ADTRP: variants seen among roughly 807,000 people sequenced by gnomAD.
ADTRP encodes the protein androgen dependent TFPI regulating protein.
In ADTRP, 20 loss-of-function variants were observed where a neutral mutation model predicts 27.0. That is an observed-to-expected ratio of 0.74 (90% CI 0.52 to 1.08). The LOEUF is 1.08. Among genes scored for constraint, ADTRP ranks in the 50% least tolerant of loss-of-function variants. The pLI is 0.00. For synonymous variants in ADTRP, 101 were observed against 105.2 expected (o/e 0.96, Z 0.25); for missense variants, 251 against 275.0 (o/e 0.91, Z 0.62).
intron 2 of ADTRP, 50 bp downstream of exon 2, chr6:11,768,199 T>A: frequency 1.3e-6 from 2 of 1,598,024 alleles, no homozygotes; most frequent in Non-Finnish European, 1.7e-6. Context: ...GAGAAGCGTC[T>A]GTCCATATGC....
intron 3 of ADTRP, chr6:11,755,167 T>TTAG: frequency 1.4e-6 from 1 of 696,166 alleles, no homozygotes; most frequent in Non-Finnish European, 1.8e-6. Flanking sequence ...CTGAATAATT[T>TTAG]TAATTACTAA....
intron 5 of ADTRP, chr6:11,717,467 A>G: frequency 8.6e-6 from 11 of 1,282,276 alleles, no homozygotes; most frequent in Non-Finnish European, 1.1e-5. Flanking sequence ...CATAGATACC[A>G]TATATAATTA....
chr6:11,740,233 A>G (rs1399927916), intron 3 of ADTRP, among the ~76,000 whole-genome samples: 1 of 152,172 alleles, frequency 6.6e-6, no homozygotes, highest in Non-Finnish European at 1.5e-5. Context: ...TCCCAAACTG[A>G]GGTCCTTTCC....
At chr6:11,759,143 T>C (rs2294418) in intron 3 of ADTRP, among the ~76,000 whole-genome samples, 20,494 of 152,216 alleles carry the variant, frequency 0.13, 1,779 homozygotes, top group East Asian at 0.48. Context: ...ACTAGCGAGA[T>C]GCCAAGCAAT....
At chr6:11,736,153 C>T (rs940316541) in intron 3 of ADTRP, 8 of 162,036 alleles carry the variant, frequency 4.9e-5, no homozygotes, top group Middle Eastern at 2.7e-3. Context: ...GTGATCTGCC[C>T]GCCTTGGCCT....
chr6:11,769,200 G>T (rs529869942), intron 1 of ADTRP, among the ~76,000 whole-genome samples: 66 of 152,262 alleles, frequency 4.3e-4, no homozygotes, highest in African/African-American at 1.4e-3. Flanking sequence ...TGGGGGGTGG[G>T]GTTAAGTTAG....
chr6:11,762,728 G>A (rs2235396), intron 3 of ADTRP, among the ~76,000 whole-genome samples: 101,047 of 152,054 alleles, frequency 0.66, 34,043 homozygotes, highest in East Asian at 0.95. Flanking sequence ...TTGCACACAC[G>A]TTCTCAATAA....
chr6:11,751,449 T>C (rs1396262471), intron 3 of ADTRP, among the ~76,000 whole-genome samples: 1 of 152,192 alleles, frequency 6.6e-6, no homozygotes, highest in Admixed American at 6.5e-5. Flanking sequence ...GTGGTTATTT[T>C]AGAAATTATA....
At chr6:11,752,266 G>C (rs1025036204) in intron 3 of ADTRP, among the ~76,000 whole-genome samples, 6 of 152,000 alleles carry the variant, frequency 3.9e-5, no homozygotes, top group African/African-American at 1.5e-4. Context: ...TGTTTTGGGT[G>C]TCTTATGAAA....
chr6:11,766,317 T>G lies in ADTRP; in HGVS notation c.347A>C (p.Lys116Thr). ...FLYNRDLIYP[K>T]VLDTVIPVWL... ...CACGGGGATGACAGTATCTAGGACC[T>G]TGGGGTAAATGAGATCTCGATTGTA... The change falls in exon 3 of 6, where the codon AAG (lysine) becomes ACG (threonine). Residue 116 changes from lysine (K) to threonine (T), a missense_variant. Physicochemically the swap from Lys to Thr is moderately conservative, Grantham distance 78 (BLOSUM62 -1). Coordinates refer to ENST00000414691, the MANE Select transcript of ADTRP (RefSeq NM_032744.4). The G allele has an allele frequency of 6.2e-7, 1 of 1,612,938 alleles. No homozygotes were observed. Among genetic ancestry groups the G allele is most frequent in the Non-Finnish European group, 8.5e-7 (1 of 1,179,372 alleles).
chr6:11,771,400 T>C (rs1479442605), intron 1 of ADTRP, among the ~76,000 whole-genome samples: 1 of 152,142 alleles, frequency 6.6e-6, no homozygotes, highest in East Asian at 1.9e-4. Flanking sequence ...AAAAGAAACC[T>C]GCAAGAGCTG....
chr6:11,764,944 T>G (rs775214662), intron 3 of ADTRP, among the ~76,000 whole-genome samples: 48 of 146,050 alleles, frequency 3.3e-4, no homozygotes, highest in Non-Finnish European at 6.4e-4. Flanking sequence ...CATCAGTGTC[T>G]CAGATTAACA....
chr6:11,774,308 T>C (rs1333679869), intron 1 of ADTRP, among the ~76,000 whole-genome samples: 2 of 32,694 alleles, frequency 6.1e-5, no homozygotes, highest in African/African-American at 2.1e-4. Context: ...AGATTCCATC[T>C]CAAAAATAAA....
In ADTRP at chr6:11,726,223, T is replaced by C. The variant is rs561550994; in HGVS notation, c.507-2723A>G. Among the ~76,000 whole-genome samples the C allele has an allele frequency of 7.9e-4, 121 of 152,290 alleles. 1 individual carries two copies. The highest frequency in any genetic ancestry group is 2.9e-3 in the African/African-American group (119 of 41,566). ...GGAGAAAGTAGAATGGTGCTTGCCATGTGGTTGCGGGAGGAGGCAGCGGGG... is the reference window on the plus strand; with the variant it reads ...GGAGAAAGTAGAATGGTGCTTGCCACGTGGTTGCGGGAGGAGGCAGCGGGG... On this transcript the variant is annotated intron_variant, in intron 4 of 5. Coordinates refer to ENST00000414691, the MANE Select transcript of ADTRP (RefSeq NM_032744.4).
At chr6:11,765,122 T>G (rs62397264) in intron 3 of ADTRP, among the ~76,000 whole-genome samples, 19,398 of 130,416 alleles carry the variant, frequency 0.15, 1,372 homozygotes, top group African/African-American at 0.21. Flanking sequence ...AGCACAAAAT[T>G]TAAGCTGAAA....
At chr6:11,727,830 G>A (rs1762260769) in intron 4 of ADTRP, among the ~76,000 whole-genome samples, 1 of 151,936 alleles carries the variant, frequency 6.6e-6, no homozygotes, top group Non-Finnish European at 1.5e-5. Context: ...CGTGAATGAG[G>A]ACAGAGTCAC....
chr6:11,725,947 T>C (rs1762182110), intron 4 of ADTRP, among the ~76,000 whole-genome samples: 1 of 149,688 alleles, frequency 6.7e-6, no homozygotes. Context: ...AAGAGATATT[T>C]GTACACCCAT....
chr6:11,723,279 T>A, intron 5 of ADTRP, 70 bp downstream of exon 5: 1 of 1,556,992 alleles, frequency 6.4e-7, no homozygotes, highest in Non-Finnish European at 8.7e-7. Flanking sequence ...TTTTTCTTTC[T>A]GTTTCCAGGT....
intron 4 of ADTRP, 96 bp from the exon 5 acceptor site, chr6:11,723,596 G>A (rs1380701394): frequency 3.5e-6 from 5 of 1,425,530 alleles, no homozygotes; most frequent in Non-Finnish European, 4.8e-6. Flanking sequence ...CCAGGCAGGG[G>A]AAGAGAACCC....
Sources: allele counts gnomAD v4.1 joint callset (sites outside exome capture counted in the v4.1 genomes callset), GRCh38; gene constraint gnomAD v4.1.1; transcripts MANE v1.5; gene names NCBI Gene and HGNC (gene_info 2026-07-23, HGNC 2026-07-21).